Variants in HIVEP1 observed in about 807,000 individuals in gnomAD.
The protein encoded by HIVEP1 is HIVEP zinc finger 1, also known as zinc finger protein 40.
Under a neutral mutation model 180.0 loss-of-function variants are expected in HIVEP1, and 36 were observed. The observed-to-expected ratio is 0.20, with a 90% CI of 0.15 to 0.26. HIVEP1 has a LOEUF of 0.26. Among genes scored for constraint, HIVEP1 ranks in the 10% least tolerant of loss-of-function variants. The probability of loss-of-function intolerance (pLI) is 1.00; values close to 1 mark genes in which losing one functional copy is unlikely to be tolerated. For synonymous variants in HIVEP1, 1,239 were observed against 1,239.0 expected, an observed-to-expected ratio of 1.00 and a Z score of 0.00; for missense variants, 3,143 against 3,268.7, an observed-to-expected ratio of 0.96 and a Z score of 0.94.
At chr6:12,194,485 C>A in the HIVEP1 span, among the ~76,000 whole-genome samples, 1 of 152,190 alleles carries the variant, frequency 6.6e-6, no homozygotes. Flanking sequence ...TTCATAAATT[C>A]AGATTACAAA....
chr6:12,104,523 A>G (rs140449615), intron 3 of HIVEP1, among the ~76,000 whole-genome samples: 6 of 146,850 alleles, frequency 4.1e-5, no homozygotes, highest in African/African-American at 1.0e-4. Flanking sequence ...GGCTCAAGCA[A>G]TCCTCTTGCC....
rs140220262 is a variant in HIVEP1, at chr6:12,078,574, T to G, written c.41-10610T>G. Among the ~76,000 whole-genome samples, 504 of 149,304 alleles carry G rather than the reference T, an allele frequency of 3.4e-3. 3 individuals carry two copies. Among genetic ancestry groups the G allele is most frequent in the Middle Eastern group, 0.017 (5 of 288 alleles). On this transcript the variant is annotated intron_variant, in intron 2 of 8. Transcript: ENST00000379388. ...TTAGTTTCTGTGTTTTTGCCCCAGG[T>G]AATAGCAGCACCTTGTATCTGAGTC...
intron 7 of HIVEP1, 60 bp from the exon 8 acceptor site, chr6:12,161,379 A>G: frequency 2.6e-6 from 4 of 1,514,796 alleles, no homozygotes; most frequent in Non-Finnish European, 3.6e-6. Context: ...AAAATTTTTA[A>G]AATAGCACTT....
At chr6:12,113,757 T>A (rs1775049407) in intron 3 of HIVEP1, among the ~76,000 whole-genome samples, 1 of 152,118 alleles carries the variant, frequency 6.6e-6, no homozygotes. Context: ...CTGCTCACCT[T>A]GTCATGCTGT....
At position 12,144,068 on chromosome 6, in the gene HIVEP1, G is replaced by A. The variant is rs189433973; in HGVS notation, c.6487+8176G>A. 5.9e-5 allele frequency among the ~76,000 whole-genome samples: 9 copies of A among 152,294 alleles called. No individual in the cohort carries two copies. The East Asian group carries it at 1.7e-3, about 29-fold the overall frequency. On this transcript the variant is annotated intron_variant, in intron 7 of 8. Coordinates refer to ENST00000379388, the MANE Select transcript of HIVEP1 (RefSeq NM_002114.4). ...ATGGAACCAAAAAACAGCCCACGTTGCCAAGACAATCCTAAGCAAAAGGAA... is the reference window on the plus strand; with the variant it reads ...ATGGAACCAAAAAACAGCCCACGTTACCAAGACAATCCTAAGCAAAAGGAA...
chr6:12,146,786 T>TA lies in HIVEP1; in HGVS notation c.6487+10895dup, dbSNP rs1360857278. ...CTCTTTTTGAATGATTTTTTTTTTTTATGTATCACTTCGGCACCTATTCAA... is the reference window on the plus strand; with the variant it reads ...CTCTTTTTGAATGATTTTTTTTTTTTAATGTATCACTTCGGCACCTATTCAA... On this transcript the variant is annotated intron_variant, in intron 7 of 8. Coordinates refer to ENST00000379388, the MANE Select transcript of HIVEP1 (RefSeq NM_002114.4). Among the ~76,000 whole-genome samples the TA allele has an allele frequency of 1.3e-5, 2 of 152,104 alleles. 1 individual carries two copies. The highest frequency in any genetic ancestry group is 4.1e-4 in the South Asian group (2 of 4,820).
At chr6:12,029,033 T>C (rs1194653466) in intron 2 of HIVEP1, among the ~76,000 whole-genome samples, 1 of 152,242 alleles carries the variant, frequency 6.6e-6, no homozygotes, top group Admixed American at 6.5e-5. Flanking sequence ...GGATCTTCCT[T>C]ACCTTTTATC....
chr6:12,008,290 G>A (rs916141615), upstream of HIVEP1: 1 of 152,218 alleles, frequency 6.6e-6, no homozygotes, highest in African/African-American at 2.4e-5. Context: ...CTGCAGGACT[G>A]TCTCAGAAGG....
intron 2 of HIVEP1, among the ~76,000 whole-genome samples, chr6:12,050,778 AT>A (rs985400757): frequency 1.1e-3 from 161 of 151,736 alleles, no homozygotes; most frequent in Admixed American, 2.5e-3. Context: ...CCATTTGCTC[AT>A]CCTAAGTAGG....
chr6:12,098,634 G>A (rs1773911982), intron 3 of HIVEP1, among the ~76,000 whole-genome samples: 1 of 152,160 alleles, frequency 6.6e-6, no homozygotes, highest in African/African-American at 2.4e-5. Context: ...TTTTTCTCAT[G>A]TTTCCTCAGA....
At chr6:12,048,146 G>C (rs867031273) in intron 2 of HIVEP1, among the ~76,000 whole-genome samples, 2 of 152,220 alleles carry the variant, frequency 1.3e-5, no homozygotes, top group Admixed American at 6.5e-5. Flanking sequence ...ATTTCAGCCA[G>C]TTCTTTGTCC....
the HIVEP1 span, among the ~76,000 whole-genome samples, chr6:12,184,510 C>T: frequency 1.3e-5 from 2 of 152,164 alleles, no homozygotes; most frequent in East Asian, 1.9e-4. Context: ...ATGTGGCATT[C>T]GCAAACAATC....
At chr6:12,162,286 C>T (rs1225823684) in intron 8 of HIVEP1, among the ~76,000 whole-genome samples, 1 of 151,192 alleles carries the variant, frequency 6.6e-6, no homozygotes, top group African/African-American at 2.4e-5. Context: ...CTGCTGGCCC[C>T]TTCTGAGCAG....
chr6:12,034,354 T>C (rs1769143471), intron 2 of HIVEP1, among the ~76,000 whole-genome samples: 1 of 152,252 alleles, frequency 6.6e-6, no homozygotes, highest in Non-Finnish European at 1.5e-5. Context: ...TTTTATTAAG[T>C]AAAAGTTTAG....
chr6:12,027,653 G>C (rs1160099253), intron 2 of HIVEP1, among the ~76,000 whole-genome samples: 1 of 152,178 alleles, frequency 6.6e-6, no homozygotes, highest in Non-Finnish European at 1.5e-5. Flanking sequence ...GCAAAATAGA[G>C]CTGTCTTTGA....
At chr6:12,075,942 G>A (rs534107910) in intron 2 of HIVEP1, among the ~76,000 whole-genome samples, 1 of 152,290 alleles carries the variant, frequency 6.6e-6, no homozygotes, top group Admixed American at 6.5e-5. Context: ...CCCCAGTAGT[G>A]TAATTTTTTA....
At chr6:12,111,331 G>A (rs918273452) in intron 3 of HIVEP1, among the ~76,000 whole-genome samples, 3 of 152,200 alleles carry the variant, frequency 2.0e-5, no homozygotes, top group Admixed American at 6.5e-5. Context: ...AACAAAGCAA[G>A]GTATACCTGT....
chr6:12,195,386 CA>C, the HIVEP1 span, among the ~76,000 whole-genome samples: 18 of 152,094 alleles, frequency 1.2e-4, no homozygotes, highest in African/African-American at 3.6e-4. Context: ...GTTCTGATTT[CA>C]AAATGGGGAA....
At chr6:12,038,561 A>G (rs1428766044) in intron 2 of HIVEP1, 1 of 152,378 alleles carries the variant, frequency 6.6e-6, no homozygotes, top group African/African-American at 2.4e-5. Context: ...AGTCCCAGCT[A>G]CTTGGGAGGC....
Sources: gnomAD v4.1 joint callset for allele counts (sites outside exome capture counted in the v4.1 genomes callset) on GRCh38, gnomAD v4.1.1 for gene constraint, MANE v1.5 for transcripts, NCBI Gene and HGNC (gene_info 2026-07-23, HGNC 2026-07-21) for gene names.